KHDRBS1: variants seen among roughly 807,000 people sequenced by gnomAD.
KHDRBS1 encodes KH RNA binding domain containing, signal transduction associated 1.
KHDRBS1 carries 7 observed loss-of-function variants against 48.4 expected under a neutral mutation model. The ratio of observed to expected loss-of-function variants is 0.14; its 90% CI spans 0.08 to 0.27. The LOEUF is 0.27. Ranked by LOEUF, KHDRBS1 falls within the 10% of genes least tolerant of loss-of-function variation. KHDRBS1 has a pLI of 1.00. For synonymous variants in KHDRBS1, 241 were observed against 235.8 expected (o/e 1.02, Z -0.20); for missense variants, 458 against 601.2 (o/e 0.76, Z 2.49).
chr1:32,019,760 GTTTTGTTT>G (rs1638820463), intron 1 of KHDRBS1, among the ~76,000 whole-genome samples: 1 of 151,364 alleles, frequency 6.6e-6, no homozygotes, highest in African/African-American at 2.5e-5. Flanking sequence ...GATATTGCAG[GTTTTGTTT>G]TTTTGTTTGT....
downstream of KHDRBS1, among the ~76,000 whole-genome samples, chr1:32,048,654 A>G (rs1046332986): frequency 5.3e-5 from 8 of 152,194 alleles, no homozygotes; most frequent in African/African-American, 1.9e-4. Flanking sequence ...TAACTGTCCT[A>G]GTGGCAAAGA....
chr1:32,058,630 G>C (rs755426215), intron 10 of KHDRBS1, among the ~76,000 whole-genome samples: 1 of 152,108 alleles, frequency 6.6e-6, no homozygotes, highest in African/African-American at 2.4e-5. Flanking sequence ...AAACTTGCTA[G>C]TCTAGGCAAG....
intron 1 of KHDRBS1, among the ~76,000 whole-genome samples, chr1:32,017,805 C>G (rs999096869): frequency 1.3e-5 from 2 of 151,748 alleles, no homozygotes; most frequent in African/African-American, 4.8e-5. Flanking sequence ...CGGGGTTTCT[C>G]CATGTTGGTC....
chr1:32,042,784 C>G lies in KHDRBS1; in HGVS notation c.*160C>G. 1.8e-6 allele frequency: 1 copy of G among 544,330 alleles called. No individual in the cohort carries two copies. The highest frequency in any genetic ancestry group is 3.3e-6 in the Non-Finnish European group (1 of 301,850). 33.7% of individuals were successfully genotyped at this position (544,330 alleles called of 1,614,324 possible). A position where few individuals can be genotyped will look rare whatever the true frequency, so the allele number is the denominator to read the frequency against. Reference sequence around the variant, plus strand: ...TCCCCACCTTATTCCATTCTTAACTCTGCATTCTGGCTTCTGTATGTAGTA... The same window carrying G: ...TCCCCACCTTATTCCATTCTTAACTGTGCATTCTGGCTTCTGTATGTAGTA... On this transcript the variant is annotated 3_prime_UTR_variant, in exon 9 of 9. Transcript: ENST00000327300.
intron 10 of KHDRBS1, among the ~76,000 whole-genome samples, chr1:32,052,095 A>G (rs1348665757): frequency 1.3e-5 from 2 of 152,226 alleles, no homozygotes; most frequent in African/African-American, 4.8e-5. Context: ...GAAAGAGAAG[A>G]GCTCAATTTG....
chr1:32,016,082 G>A (rs940614354), intron 1 of KHDRBS1, among the ~76,000 whole-genome samples: 1 of 151,904 alleles, frequency 6.6e-6, no homozygotes, highest in Non-Finnish European at 1.5e-5. Context: ...GGAAGCTGAG[G>A]CAGGAAAATC....
chr1:32,015,296 T>C (rs970654368), intron 1 of KHDRBS1, among the ~76,000 whole-genome samples: 2 of 152,234 alleles, frequency 1.3e-5, no homozygotes, highest in African/African-American at 4.8e-5. Context: ...CTAGTCGCTC[T>C]GATTTTTCCC....
chr1:32,052,262 G>A (rs894191300), intron 10 of KHDRBS1: 1 of 151,940 alleles, frequency 6.6e-6, no homozygotes, highest in African/African-American at 2.4e-5. Context: ...TGCTGCTTCT[G>A]TAATTCCAAA....
chr1:32,023,084 C>T (rs1185528946), intron 1 of KHDRBS1, among the ~76,000 whole-genome samples: 3 of 151,970 alleles, frequency 2.0e-5, no homozygotes, highest in African/African-American at 7.3e-5. Flanking sequence ...TAAAGTCATA[C>T]ACCAAGCATG....
In KHDRBS1 at chr1:32,014,067, C is replaced by T. The variant is rs995718490; in HGVS notation, c.72C>T (p.Ser24=). 7.4e-6 allele frequency: 11 copies of T among 1,494,570 alleles called. No individual in the cohort carries two copies. Among genetic ancestry groups the T allele is most frequent in the Non-Finnish European group, 9.7e-6 (11 of 1,130,602 alleles). The allele number at this position is 1,494,570 out of a possible 1,614,324, so 92.6% of individuals were successfully genotyped here. The change falls in exon 1 of 9, where the codon TCC becomes TCT. Residue 24 remains serine, a synonymous_variant. Transcript: ENST00000327300. Reference sequence around the variant, plus strand: ...GCCGTAGCGGCTCCATGGACCCCTCCGGTGCCCACCCCTCGGTGCGTCAGA... The same window carrying T: ...GCCGTAGCGGCTCCATGGACCCCTCTGGTGCCCACCCCTCGGTGCGTCAGA... ...SSGRSGSMDP[S]GAHPSVRQTP...
intron 10 of KHDRBS1, chr1:32,054,496 C>T (rs913988187): frequency 3.3e-5 from 5 of 152,158 alleles, no homozygotes; most frequent in African/African-American, 9.7e-5. Context: ...CTCCTTGTGT[C>T]GTATTCCTTT....
chr1:32,048,487 G>C (rs1269980570), downstream of KHDRBS1, among the ~76,000 whole-genome samples: 1 of 152,162 alleles, frequency 6.6e-6, no homozygotes, highest in Non-Finnish European at 1.5e-5. Context: ...TCCAGCCCGG[G>C]TAGAAAGTTT....
chr1:32,037,640 G>A (rs970884392), intron 5 of KHDRBS1, among the ~76,000 whole-genome samples, 195 bp from the exon 6 acceptor site: 4 of 152,158 alleles, frequency 2.6e-5, no homozygotes, highest in East Asian at 1.9e-4. Flanking sequence ...GCAGTGCAGT[G>A]ATGAATTGGT....
At chr1:32,031,891 G>A (rs1639086756) in intron 3 of KHDRBS1, among the ~76,000 whole-genome samples, 1 of 152,186 alleles carries the variant, frequency 6.6e-6, no homozygotes, top group Admixed American at 6.5e-5. Context: ...GGAAACAGCA[G>A]TAGCATGTTG....
At chr1:32,044,487 A>G (rs534059823), downstream of KHDRBS1, among the ~76,000 whole-genome samples, 18 of 152,334 alleles carry the variant, frequency 1.2e-4, no homozygotes, top group African/African-American at 3.8e-4. Flanking sequence ...TTTCAACTCT[A>G]TGCTGATTCT....
At chr1:32,046,853 A>G (rs1639364174), downstream of KHDRBS1, among the ~76,000 whole-genome samples, 1 of 152,208 alleles carries the variant, frequency 6.6e-6, no homozygotes, top group Admixed American at 6.5e-5. Flanking sequence ...GGGCATATGT[A>G]CTGAACAAGA....
chr1:32,051,214 C>A (rs1639415351), intron 10 of KHDRBS1, among the ~76,000 whole-genome samples: 1 of 152,204 alleles, frequency 6.6e-6, no homozygotes, highest in African/African-American at 2.4e-5. Flanking sequence ...CATTCTTTTA[C>A]ATGTGGATAT....
chr1:32,051,733 C>A (rs1392218439), intron 10 of KHDRBS1, among the ~76,000 whole-genome samples: 2 of 152,224 alleles, frequency 1.3e-5, no homozygotes, highest in Non-Finnish European at 2.9e-5. Context: ...TCCTTACCTA[C>A]GGATACAGGC....
At chr1:32,021,430 T>C (rs1412422927) in intron 1 of KHDRBS1, among the ~76,000 whole-genome samples, 1 of 152,188 alleles carries the variant, frequency 6.6e-6, no homozygotes, top group Admixed American at 6.5e-5. Flanking sequence ...CTATTGGCTT[T>C]GTGCTCTTGC....
Sources: gnomAD v4.1 joint callset for allele counts (sites outside exome capture counted in the v4.1 genomes callset) on GRCh38, gnomAD v4.1.1 for gene constraint, MANE v1.5 for transcripts, NCBI Gene and HGNC (gene_info 2026-07-23, HGNC 2026-07-21) for gene names.